The following NTNG1 variants were observed in gnomAD, a reference collection of about 807,000 sequenced individuals.
The protein encoded by NTNG1 is netrin G1, also known as netrin-G1.
In NTNG1, 16 loss-of-function variants were observed where a neutral mutation model predicts 54.0. The observed-to-expected ratio is 0.30, with a 90% CI of 0.20 to 0.45. The LOEUF (loss-of-function observed/expected upper bound fraction) is 0.45, where lower values mean the gene tolerates loss of function less well. Among genes scored for constraint, NTNG1 ranks in the 20% least tolerant of loss-of-function variants. NTNG1 has a pLI of 1.00. For synonymous variants in NTNG1, 255 were observed against 263.1 expected (o/e 0.97, Z 0.30); for missense variants, 530 against 678.7 (o/e 0.78, Z 2.43).
intron 3 of NTNG1, among the ~76,000 whole-genome samples, chr1:107,326,691 A>C (rs1243885414): frequency 6.6e-6 from 1 of 152,092 alleles, no homozygotes; most frequent in African/African-American, 2.4e-5. Flanking sequence ...CAGTTTAAAA[A>C]ATACTTAATC....
intron 2 of NTNG1, among the ~76,000 whole-genome samples, chr1:107,275,931 G>C (rs942914762): frequency 2.0e-5 from 3 of 152,218 alleles, no homozygotes; most frequent in Non-Finnish European, 4.4e-5. Flanking sequence ...TAGTAAAAGA[G>C]AAGAAGGGCT....
chr1:107,399,055 CTA>C (rs1426366609), intron 4 of NTNG1, among the ~76,000 whole-genome samples: 2 of 152,146 alleles, frequency 1.3e-5, no homozygotes, highest in African/African-American at 4.8e-5. Flanking sequence ...CCTTCTCTGG[CTA>C]TGTTCTATGA....
intron 2 of NTNG1, among the ~76,000 whole-genome samples, chr1:107,286,320 A>T (rs1419675113): frequency 6.6e-6 from 1 of 152,034 alleles, no homozygotes; most frequent in Non-Finnish European, 1.5e-5. Context: ...CTCAGTAACA[A>T]CTCTATGCTT....
chr1:107,437,086 G>A (rs187904478), intron 7 of NTNG1, among the ~76,000 whole-genome samples: 30 of 152,092 alleles, frequency 2.0e-4, no homozygotes, highest in Admixed American at 8.5e-4. Context: ...GACACAATAG[G>A]GACCCAGCGT....
At chr1:107,349,288 T>C (rs1038469398) in intron 3 of NTNG1, among the ~76,000 whole-genome samples, 3 of 152,210 alleles carry the variant, frequency 2.0e-5, no homozygotes, top group African/African-American at 7.2e-5. Context: ...TACCCTGTTG[T>C]TGTTGTTCGT....
intron 2 of NTNG1, among the ~76,000 whole-genome samples, chr1:107,197,308 A>G (rs1038090157): frequency 6.6e-6 from 1 of 151,996 alleles, no homozygotes; most frequent in African/African-American, 2.4e-5. Context: ...GCTGCCCTCT[A>G]CAACAGCCAA....
chr1:107,442,836 TGTC>T (rs1192292349), intron 7 of NTNG1, among the ~76,000 whole-genome samples: 2 of 152,148 alleles, frequency 1.3e-5, no homozygotes, highest in African/African-American at 2.4e-5. Flanking sequence ...ATGTTACAGA[TGTC>T]AGCCAGTGTT....
At chr1:107,421,141 G>A (rs780483889) in intron 5 of NTNG1, 10 of 1,603,084 alleles carry the variant, frequency 6.2e-6, no homozygotes, top group Admixed American at 1.7e-5. Context: ...AACCACAAGA[G>A]AGGTAGGAAT....
chr1:107,453,370 T>C (rs1296022584), intron 7 of NTNG1, among the ~76,000 whole-genome samples: 2 of 152,218 alleles, frequency 1.3e-5, no homozygotes, highest in African/African-American at 4.8e-5. Flanking sequence ...TAAAACTTCA[T>C]CCAGAAACTG....
chr1:107,300,002 C>T (rs934494887), intron 2 of NTNG1, among the ~76,000 whole-genome samples: 2 of 152,126 alleles, frequency 1.3e-5, no homozygotes, highest in African/African-American at 2.4e-5. Context: ...GCTTCATGGC[C>T]GTTGCCATTT....
intron 3 of NTNG1, among the ~76,000 whole-genome samples, chr1:107,327,203 G>C (rs1668010243): frequency 6.6e-6 from 1 of 152,248 alleles, no homozygotes; most frequent in South Asian, 2.1e-4. Flanking sequence ...CAAATCCTCA[G>C]GGCAGAACTG....
In NTNG1 at chr1:107,217,354, G is replaced by C. The variant is rs535508518; in HGVS notation, c.246+68515G>C. Among the ~76,000 whole-genome samples the C allele has an allele frequency of 2.0e-5, 3 of 152,034 alleles. No homozygotes were observed. The South Asian group carries it at 6.2e-4, about 32-fold the overall frequency. On this transcript the variant is annotated intron_variant, in intron 2 of 7. Coordinates refer to ENST00000370068, the MANE Select transcript of NTNG1 (RefSeq NM_001113226.3). The stretch of plus-strand genomic sequence containing the variant: ...CTCTCTTCTTTTCTTGGTTAATCTC[G>C]CTAATGGTCTATTAATTTTATTTAT...
At chr1:107,193,682 G>C (rs1391899628) in intron 2 of NTNG1, among the ~76,000 whole-genome samples, 1 of 151,782 alleles carries the variant, frequency 6.6e-6, no homozygotes, top group African/African-American at 2.4e-5. Context: ...AAGACTACAA[G>C]GTTTATATTT....
intron 3 of NTNG1, among the ~76,000 whole-genome samples, chr1:107,364,049 A>T (rs1184562319): frequency 6.6e-6 from 1 of 152,186 alleles, no homozygotes; most frequent in Non-Finnish European, 1.5e-5. Context: ...AGAAGAATGT[A>T]TAAGTATTTC....
chr1:107,297,086 GACACACACACACAC>G (rs34213703), intron 2 of NTNG1, among the ~76,000 whole-genome samples: 1 of 137,400 alleles, frequency 7.3e-6, no homozygotes, highest in Non-Finnish European at 1.6e-5. Flanking sequence ...TACAGATGAG[GACACACACACACAC>G]ACACACACAC....
chr1:107,201,547 T>G (rs4915026), intron 2 of NTNG1, among the ~76,000 whole-genome samples: 3 of 151,886 alleles, frequency 2.0e-5, no homozygotes, highest in African/African-American at 7.2e-5. Context: ...CTCTTGTGCC[T>G]TTTTTATTTC....
chr1:107,472,198 C>A (rs543430590), intron 7 of NTNG1, among the ~76,000 whole-genome samples: 70 of 152,240 alleles, frequency 4.6e-4, no homozygotes, highest in Middle Eastern at 3.4e-3. Context: ...CATGGGGCAG[C>A]AGATAAGACT....
chr1:107,367,345 G>A (rs1004556623), intron 3 of NTNG1, among the ~76,000 whole-genome samples: 8 of 152,058 alleles, frequency 5.3e-5, no homozygotes, highest in African/African-American at 1.7e-4. Context: ...GAAACTCCTC[G>A]ATGAAGGGCA....
chr1:107,214,560 C>A (rs1021233706), intron 2 of NTNG1, among the ~76,000 whole-genome samples: 3 of 152,144 alleles, frequency 2.0e-5, no homozygotes, highest in Non-Finnish European at 4.4e-5. Context: ...TTTGCAGATG[C>A]AAATTATGCC....
Sources: allele counts gnomAD v4.1 joint callset (sites outside exome capture counted in the v4.1 genomes callset), GRCh38; gene constraint gnomAD v4.1.1; transcripts MANE v1.5; gene names NCBI Gene and HGNC (gene_info 2026-07-23, HGNC 2026-07-21).